Variants in USP10 observed in about 807,000 individuals in gnomAD.
The protein encoded by USP10 is ubiquitin carboxyl-terminal hydrolase 10.
Under a neutral mutation model 84.5 loss-of-function variants are expected in USP10, and 22 were observed. The observed-to-expected ratio is 0.26, with a 90% confidence interval of 0.19 to 0.37. The LOEUF (loss-of-function observed/expected upper bound fraction) is 0.37, where lower values mean the gene tolerates loss of function less well. USP10 is among the 10% of genes least tolerant of loss of function. USP10 has a pLI of 1.00. For missense variants in USP10, 1,019 were observed against 998.9 expected, an observed-to-expected ratio of 1.02 and a Z score of -0.27; for synonymous variants, 454 against 387.6, an observed-to-expected ratio of 1.17 and a Z score of -2.01.
intron 13 of USP10, among the ~76,000 whole-genome samples, chr16:84,777,913 G>A (rs976759140): frequency 3.3e-5 from 5 of 152,190 alleles, no homozygotes; most frequent in Admixed American, 6.5e-5. Context: ...CCGGACAGCC[G>A]CCTTCCCGAG....
intron 1 of USP10, among the ~76,000 whole-genome samples, chr16:84,718,733 G>A (rs924332346): frequency 7.2e-5 from 11 of 151,816 alleles, no homozygotes; most frequent in African/African-American, 2.2e-4. Context: ...TCCAGGTTGG[G>A]CAACAGAGCA....
rs1915377339 is a variant in USP10, at chr16:84,779,805, C to G, written c.*723C>G. On this transcript the variant is annotated 3_prime_UTR_variant, in exon 14 of 14. Coordinates refer to ENST00000219473, the MANE Select transcript of USP10 (RefSeq NM_005153.3). ...ATGAAGATCTCTCCTTCAGTCTGCT[C>G]TGTTTAATTCTGCTGTCTGCTCTTC... 6.6e-6 allele frequency: 1 copy of G among 152,550 alleles called. No homozygotes were observed. The highest frequency in any genetic ancestry group is 6.5e-5 in the Admixed American group (1 of 15,286). The allele number at this position is 152,550 out of a possible 1,614,324, so 9.4% of individuals were successfully genotyped here.
chr16:84,715,895 A>T (rs1906951642), intron 1 of USP10, among the ~76,000 whole-genome samples: 1 of 152,208 alleles, frequency 6.6e-6, no homozygotes, highest in Non-Finnish European at 1.5e-5. Flanking sequence ...GAATGGCCAC[A>T]GCAGTTTCAG....
At chr16:84,750,040 T>G (rs1426443928) in intron 4 of USP10, among the ~76,000 whole-genome samples, 1 of 152,154 alleles carries the variant, frequency 6.6e-6, no homozygotes, top group Non-Finnish European at 1.5e-5. Context: ...TGCCGAGGGT[T>G]GGAGAGGGAT....
intron 13 of USP10, among the ~76,000 whole-genome samples, 167 bp downstream of exon 13, chr16:84,775,392 C>T (rs1427096225): frequency 6.6e-6 from 1 of 152,152 alleles, no homozygotes; most frequent in African/African-American, 2.4e-5. Context: ...TGAAACTCTG[C>T]GTAGATGACG....
At chr16:84,710,936 G>T (rs1433242263) in intron 1 of USP10, among the ~76,000 whole-genome samples, 1 of 152,182 alleles carries the variant, frequency 6.6e-6, no homozygotes, top group South Asian at 2.1e-4. Context: ...TAACGAAATC[G>T]TATTTTGGAC....
At chr16:84,704,316 G>A (rs1905222599) in intron 1 of USP10, among the ~76,000 whole-genome samples, 1 of 152,340 alleles carries the variant, frequency 6.6e-6, no homozygotes, top group Admixed American at 6.5e-5. Flanking sequence ...GGAAGAGCTT[G>A]CTTTTGAATT....
chr16:84,718,660 G>A (rs1442509236), intron 1 of USP10, among the ~76,000 whole-genome samples: 1 of 151,888 alleles, frequency 6.6e-6, no homozygotes, highest in Non-Finnish European at 1.5e-5. Flanking sequence ...GGAGGCTGAG[G>A]CAGGAGAATT....
chr16:84,741,692 G>T (rs991191367), intron 3 of USP10, among the ~76,000 whole-genome samples: 2 of 152,036 alleles, frequency 1.3e-5, no homozygotes, highest in African/African-American at 4.8e-5. Context: ...CCAAAAACAC[G>T]ACTGGAATCT....
Position 84,733,523 on chromosome 16 carries a change from T to A in USP10, c.90+20T>A, listed in dbSNP as rs199541791. The A allele has an allele frequency of 2.0e-5, 32 of 1,575,852 alleles. No individual in the cohort carries two copies. Among genetic ancestry groups the A allele is most frequent in the African/African-American group, 5.4e-5 (4 of 73,956 alleles). The stretch of plus-strand genomic sequence containing the variant: ...GTTGAGGTAAGACAAAACTTTGTTT[T>A]AGTGAGTCCGTGGGTAGATACAATT... On this transcript the variant is annotated intron_variant, in intron 2 of 13. Transcript: ENST00000219473.
intron 4 of USP10, among the ~76,000 whole-genome samples, chr16:84,755,087 G>A (rs776947086): frequency 4.6e-5 from 7 of 151,494 alleles, no homozygotes; most frequent in Non-Finnish European, 8.8e-5. Context: ...AGTTAGCCTC[G>A]TCATAAAGCG....
At position 84,772,612 on chromosome 16, in the gene USP10, T is replaced by G; in HGVS notation, c.2070T>G (p.Val690=). ...TCGTGCTGCACCTGAAACGATTCGT[T>G]TATGAGAAGACTGGTGGGTGCCAGA... ...PVLVLHLKRF[V]YEKTGGCQKL... Residue 690 remains valine (V), a synonymous_variant, in exon 12 of 14, where the codon GTT becomes GTG. Transcript: ENST00000219473. 6.2e-7 allele frequency: 1 copy of G among 1,613,962 alleles called. No homozygotes were observed. The highest frequency in any genetic ancestry group is 8.5e-7 in the Non-Finnish European group (1 of 1,179,866).
intron 2 of USP10, among the ~76,000 whole-genome samples, chr16:84,733,931 C>A (rs1035103291): frequency 7.2e-5 from 11 of 152,276 alleles, no homozygotes; most frequent in Admixed American, 7.2e-4. Context: ...TTTAAGCTAA[C>A]GTTGTATTCT....
intron 2 of USP10, among the ~76,000 whole-genome samples, chr16:84,736,372 G>A (rs769716926): frequency 3.3e-5 from 5 of 152,204 alleles, no homozygotes; most frequent in African/African-American, 1.2e-4. Flanking sequence ...TCCTGCCAGC[G>A]GAGGGCTGCT....
intron 4 of USP10, among the ~76,000 whole-genome samples, chr16:84,750,130 C>T (rs576539746): frequency 3.9e-5 from 6 of 152,014 alleles, no homozygotes; most frequent in Non-Finnish European, 7.4e-5. Flanking sequence ...TAATACAGCC[C>T]GGCACAGTGG....
chr16:84,760,519 T>C (rs1473553956), intron 8 of USP10, among the ~76,000 whole-genome samples: 1 of 152,182 alleles, frequency 6.6e-6, no homozygotes, highest in Admixed American at 6.5e-5. Context: ...TTAAGAGAAG[T>C]GAAGCCACTG....
At chr16:84,775,960 G>GT (rs1389715740) in intron 13 of USP10, among the ~76,000 whole-genome samples, 2 of 152,036 alleles carry the variant, frequency 1.3e-5, no homozygotes, top group Non-Finnish European at 2.9e-5. Flanking sequence ...TTCCCAGGCT[G>GT]TTTTTACTAC....
intron 12 of USP10, among the ~76,000 whole-genome samples, chr16:84,773,440 A>G (rs190934502): frequency 6.6e-6 from 1 of 151,960 alleles, no homozygotes; most frequent in Non-Finnish European, 1.5e-5. Context: ...CAGCAACCCC[A>G]CCTCATACCT....
intron 11 of USP10, among the ~76,000 whole-genome samples, chr16:84,768,807 T>C (rs987351550): frequency 2.6e-5 from 4 of 152,184 alleles, no homozygotes; most frequent in African/African-American, 9.7e-5. Context: ...ATATAGTCAT[T>C]GTAAATATAA....
Sources: gnomAD v4.1 joint callset for allele counts (sites outside exome capture counted in the v4.1 genomes callset) on GRCh38, gnomAD v4.1.1 for gene constraint, MANE v1.5 for transcripts, NCBI Gene and HGNC (gene_info 2026-07-23, HGNC 2026-07-21) for gene names.